Variants in DNAH17 observed in about 807,000 individuals in gnomAD.
DNAH17 encodes the protein axonemal beta dynein heavy chain 17.
Under a neutral mutation model 485.6 loss-of-function variants are expected in DNAH17, and 376 were observed. That is an observed-to-expected ratio of 0.77 (90% CI 0.71 to 0.84). The LOEUF (loss-of-function observed/expected upper bound fraction) is 0.84. Ranked by LOEUF, DNAH17 falls within the 40% of genes least tolerant of loss-of-function variation. The probability of loss-of-function intolerance (pLI) is 0.00; values close to 1 mark genes in which losing one functional copy is unlikely to be tolerated. For synonymous variants in DNAH17, 3,031 were observed against 2,405.9 expected (o/e 1.26, Z -7.60); for missense variants, 6,370 against 5,839.3 (o/e 1.09, Z -2.96).
chr17:78,510,091 A>T (rs6501227), intron 27 of DNAH17, among the ~76,000 whole-genome samples: 92,106 of 151,998 alleles, frequency 0.61, 28,395 homozygotes, highest in African/African-American at 0.67. Flanking sequence ...CTGAGGCAGG[A>T]GAATCTCTTG....
At chr17:78,451,027 G>A (rs1210197219) in intron 66 of DNAH17, among the ~76,000 whole-genome samples, 181 bp from the exon 67 acceptor site, 3 of 152,252 alleles carry the variant, frequency 2.0e-5, no homozygotes, top group African/African-American at 7.2e-5. Context: ...CCCTGGCCCT[G>A]CTCCCAGCCT....
intron 14 of DNAH17, among the ~76,000 whole-genome samples, chr17:78,557,761 G>A (rs143981950): frequency 6.9e-4 from 103 of 149,422 alleles, no homozygotes; most frequent in African/African-American, 2.1e-3. Context: ...AATGAAGACT[G>A]GCTTGAACCA....
At chr17:78,571,525 G>A in intron 4 of DNAH17, 65 bp downstream of exon 4, 2 of 1,584,444 alleles carry the variant, frequency 1.3e-6, no homozygotes, top group Non-Finnish European at 1.7e-6. Context: ...CTGGGAGGCG[G>A]AGAGCTCGGC....
rs779330554 is a variant in DNAH17 at position 78,529,598 on chromosome 17, C to A, written c.3381G>T (p.Gly1127=). The change falls in exon 22 of 81, where the codon GGG becomes GGT. Residue 1127 remains glycine, a synonymous_variant. Transcript: ENST00000389840. ...GDYDGLVEVM[G]HLMKVKERQA... ...GCCTCTCCTTGACTTTCATCAGGTGCCCCATCACCTCCACAAGCCCATCAT... is the reference window on the plus strand; with the variant it reads ...GCCTCTCCTTGACTTTCATCAGGTGACCCATCACCTCCACAAGCCCATCAT... 1 of 1,613,846 alleles carries A rather than the reference C, an allele frequency of 6.2e-7. No homozygotes were observed. Among genetic ancestry groups the A allele is most frequent in the African/African-American group, 1.3e-5 (1 of 74,932 alleles).
intron 73 of DNAH17, among the ~76,000 whole-genome samples, chr17:78,438,865 G>A (rs1161709119): frequency 6.6e-6 from 1 of 152,102 alleles, no homozygotes; most frequent in East Asian, 1.9e-4. Flanking sequence ...TCTCACCGTT[G>A]AAGAATCCAC....
chr17:78,558,359 G>A (rs2092073856), intron 13 of DNAH17, 105 bp from the exon 14 acceptor site: 2 of 1,392,762 alleles, frequency 1.4e-6, no homozygotes, highest in African/African-American at 1.4e-5. Context: ...TTGACAGCCG[G>A]GGGGGATCTC....
intron 44 of DNAH17, chr17:78,489,543 C>T (rs191548588): frequency 1.1e-4 from 17 of 152,402 alleles, no homozygotes; most frequent in African/African-American, 3.6e-4. Flanking sequence ...CTCTTCTGTC[C>T]TTGGCTTGAC....
At chr17:78,467,950 A>G (rs1263324397) in intron 55 of DNAH17, among the ~76,000 whole-genome samples, 3 of 151,208 alleles carry the variant, frequency 2.0e-5, no homozygotes, top group African/African-American at 7.3e-5. Flanking sequence ...CCCAGGAGGC[A>G]GAGGTTGCAG....
intron 22 of DNAH17, among the ~76,000 whole-genome samples, chr17:78,527,226 TA>T (rs1298844016): frequency 6.6e-6 from 1 of 151,788 alleles, no homozygotes; most frequent in East Asian, 1.9e-4. Context: ...CTACAAAAAA[TA>T]CAAATTCTTT....
At chr17:78,461,352 C>G (rs943210484) in intron 58 of DNAH17, among the ~76,000 whole-genome samples, 192 bp downstream of exon 58, 24 of 152,296 alleles carry the variant, frequency 1.6e-4, no homozygotes, top group Middle Eastern at 3.4e-3. Context: ...CTAAGGAAAG[C>G]CTGCTTCTGA....
intron 27 of DNAH17, among the ~76,000 whole-genome samples, chr17:78,510,061 A>G (rs1037758988): frequency 1.3e-5 from 2 of 152,204 alleles, no homozygotes; most frequent in Non-Finnish European, 2.9e-5. Flanking sequence ...GCACACCTGT[A>G]ATCCCAGCTA....
intron 36 of DNAH17, chr17:78,500,026 G>A (rs887850510): frequency 5.2e-5 from 20 of 386,224 alleles, no homozygotes; most frequent in African/African-American, 3.1e-4. Flanking sequence ...TCCCCAGTTC[G>A]GGGCAATCTT....
At chr17:78,524,372 A>T (rs1457147299) in intron 25 of DNAH17, among the ~76,000 whole-genome samples, 1 of 152,156 alleles carries the variant, frequency 6.6e-6, no homozygotes, top group Non-Finnish European at 1.5e-5. Context: ...TTCTGACCTC[A>T]GGTGATCCAC....
intron 71 of DNAH17, among the ~76,000 whole-genome samples, chr17:78,442,965 C>A (rs888122396): frequency 6.6e-6 from 1 of 152,168 alleles, no homozygotes; most frequent in African/African-American, 2.4e-5. Flanking sequence ...TTTAAGCGAC[C>A]CCCTCCCTAT....
At position 78,568,153 on chromosome 17, in the gene DNAH17, C is replaced by A. The variant is rs116965043; in HGVS notation, c.1285-987G>T. Among the ~76,000 whole-genome samples, 17 of 152,316 alleles carry A rather than the reference C, an allele frequency of 1.1e-4. No individual in the cohort carries two copies. The East Asian group carries it at 3.1e-3, about 28-fold the overall frequency. On this transcript the variant is annotated intron_variant, in intron 9 of 80. Transcript: ENST00000389840. ...TGGACAGCAAAGCCATTTCCTCCAC[C>A]TCCAAAGTCCCTTCCTACCCAGAAT...
chr17:78,484,003 G>T (rs1445524444), intron 48 of DNAH17, among the ~76,000 whole-genome samples: 1 of 141,074 alleles, frequency 7.1e-6, no homozygotes, highest in Non-Finnish European at 1.5e-5. Flanking sequence ...GGCTGAGGAA[G>T]GAGAATTCCT....
chr17:78,567,182 AAC>A lies in DNAH17; in HGVS notation c.1285-18_1285-17del, dbSNP rs775648871. The A allele has an allele frequency of 2.3e-5, 37 of 1,582,456 alleles. No individual in the cohort carries two copies. Among genetic ancestry groups the A allele is most frequent in the Non-Finnish European group, 3.0e-5 (35 of 1,164,104 alleles). On this transcript the variant is annotated splice_polypyrimidine_tract_variant and intron_variant, in intron 9 of 80. Coordinates refer to ENST00000389840, the MANE Select transcript of DNAH17 (RefSeq NM_173628.4). ...TATAGAGTTCCTAGTGGAGGAGAAA[AAC>A]ACAGTCAATTCATCTTCACAACCCA... is the stretch of plus-strand genomic sequence containing the variant.
At chr17:78,570,503 CAA>C in intron 6 of DNAH17, 131 bp from the exon 7 acceptor site, 5 of 1,226,980 alleles carry the variant, frequency 4.1e-6, no homozygotes, top group Non-Finnish European at 5.5e-6. Flanking sequence ...AGGGGAGAGG[CAA>C]CTCCCTAGGC....
At chr17:78,562,561 G>T (rs1451613493) in intron 11 of DNAH17, among the ~76,000 whole-genome samples, 1 of 152,200 alleles carries the variant, frequency 6.6e-6, no homozygotes, top group Non-Finnish European at 1.5e-5. Flanking sequence ...GGTCAAGGCT[G>T]CAGTGAGCCA....
Sources: allele counts gnomAD v4.1 joint callset (sites outside exome capture counted in the v4.1 genomes callset), GRCh38; gene constraint gnomAD v4.1.1; transcripts MANE v1.5; gene names NCBI Gene and HGNC (gene_info 2026-07-23, HGNC 2026-07-21).